RB1: variants seen among roughly 807,000 people sequenced by gnomAD.
RB1 encodes the protein RB transcriptional corepressor 1.
In RB1, 18 loss-of-function variants were observed where a neutral mutation model predicts 135.4. The ratio of observed to expected loss-of-function variants is 0.13; its 90% confidence interval spans 0.09 to 0.20. RB1 has a LOEUF of 0.20. Among genes scored for constraint, RB1 ranks in the 10% least tolerant of loss-of-function variants. The pLI, the probability that RB1 is intolerant of heterozygous loss-of-function variation, is 1.00. For synonymous variants in RB1, 365 were observed against 373.2 expected (o/e 0.98, Z 0.25); for missense variants, 868 against 1,110.0 (o/e 0.78, Z 3.10).
intron 17 of RB1, among the ~76,000 whole-genome samples, chr13:48,381,772 T>G (rs1250530724): frequency 6.6e-6 from 1 of 152,208 alleles, no homozygotes; most frequent in African/African-American, 2.4e-5. Flanking sequence ...TGTATACATG[T>G]GCCATATTGG....
chr13:48,362,622 G>T (rs1383411109), intron 7 of RB1, among the ~76,000 whole-genome samples, 193 bp from the exon 8 acceptor site: 2 of 152,158 alleles, frequency 1.3e-5, no homozygotes, highest in Non-Finnish European at 2.9e-5. Flanking sequence ...GTAGAAGAGG[G>T]ATGGCAAAAA....
intron 11 of RB1, among the ~76,000 whole-genome samples, chr13:48,372,660 AAAG>A (rs1247750435): frequency 6.6e-6 from 1 of 152,076 alleles, no homozygotes; most frequent in Non-Finnish European, 1.5e-5. Flanking sequence ...CAAAAAAAAA[AAAG>A]AAAAAGAAAA....
intron 17 of RB1, among the ~76,000 whole-genome samples, chr13:48,434,886 G>C (rs1486936110): frequency 1.3e-5 from 2 of 152,174 alleles, no homozygotes; most frequent in African/African-American, 4.8e-5. Context: ...GATATTGCAT[G>C]TATCAATAGT....
chr13:48,328,718 C>T (rs1018339414), intron 2 of RB1, among the ~76,000 whole-genome samples: 5 of 152,186 alleles, frequency 3.3e-5, no homozygotes, highest in Non-Finnish European at 5.9e-5. Flanking sequence ...AAGTCTTGTC[C>T]TTTCTGTCAG....
intron 2 of RB1, among the ~76,000 whole-genome samples, chr13:48,336,860 C>G (rs1952390057): frequency 6.6e-6 from 1 of 152,050 alleles, no homozygotes; most frequent in African/African-American, 2.4e-5. Flanking sequence ...TACATGTGTC[C>G]CAGAGATTCT....
chr13:48,323,786 A>T (rs1348296891), intron 2 of RB1, among the ~76,000 whole-genome samples: 1 of 152,220 alleles, frequency 6.6e-6, no homozygotes, highest in East Asian at 1.9e-4. Context: ...TCCAAGACCC[A>T]TTAAGCTTTC....
At chr13:48,421,607 C>T (rs933417745) in intron 17 of RB1, among the ~76,000 whole-genome samples, 9 of 152,202 alleles carry the variant, frequency 5.9e-5, no homozygotes, top group South Asian at 2.1e-4. Context: ...AAAATTTTTG[C>T]GATCTATCCA....
intron 17 of RB1, chr13:48,412,303 T>C (rs1213071191): frequency 1.9e-6 from 3 of 1,613,414 alleles, no homozygotes; most frequent in Non-Finnish European, 2.5e-6. Context: ...CAGATGAAAA[T>C]GTATATGGCA....
At chr13:48,411,596 A>T (rs761515525) in intron 17 of RB1, 2 of 1,612,546 alleles carry the variant, frequency 1.2e-6, no homozygotes, top group African/African-American at 2.7e-5. Flanking sequence ...CAATACAGAG[A>T]GTGATTGGGT....
intron 2 of RB1, chr13:48,340,980 G>GT (rs1193529983): frequency 2.0e-5 from 3 of 151,992 alleles, no homozygotes; most frequent in African/African-American, 7.2e-5. Flanking sequence ...AGTTCAATAC[G>GT]TTTTAACAGA....
chr13:48,460,238 G>C (rs1438750648), intron 20 of RB1, among the ~76,000 whole-genome samples: 2 of 151,720 alleles, frequency 1.3e-5, no homozygotes, highest in Admixed American at 1.3e-4. Flanking sequence ...CCAAAGTGTT[G>C]GGATTACAGG....
At chr13:48,367,646 G>T in intron 10 of RB1, 43 bp downstream of exon 10, 9 of 1,582,902 alleles carry the variant, frequency 5.7e-6, no homozygotes, top group Non-Finnish European at 7.8e-6. Context: ...TTAGATATAG[G>T]TTGATACTGA....
At position 48,319,038 on chromosome 13, in the gene RB1, C is replaced by T. The variant is rs1952211650; in HGVS notation, c.264+11632C>T. On this transcript the variant is annotated intron_variant, in intron 2 of 26. Transcript: ENST00000267163. The surrounding 1 kb of genome is among the most constrained non-coding windows in gnomAD (Gnocchi z 5.0). ...TTGGAAATGCCCAAGATTGCTTCCGCGCGCGTCAGTTCAGCGGACGTGTCT... is the reference window on the plus strand; with the variant it reads ...TTGGAAATGCCCAAGATTGCTTCCGTGCGCGTCAGTTCAGCGGACGTGTCT... 2 of 649,604 alleles carry T rather than the reference C, an allele frequency of 3.1e-6. No individual in the cohort carries two copies. Among genetic ancestry groups the T allele is most frequent in the Non-Finnish European group, 5.7e-6 (2 of 351,530 alleles). The allele number at this position is 649,604 out of a possible 1,614,324, so 40.2% of individuals were successfully genotyped here.
intron 15 of RB1, 38 bp from the exon 16 acceptor site, chr13:48,380,127 G>C (rs1185487623): frequency 1.4e-6 from 2 of 1,466,982 alleles, no homozygotes; most frequent in Non-Finnish European, 1.8e-6. Flanking sequence ...TCTTTTTATA[G>C]AAGTAAGTAT....
intron 17 of RB1, among the ~76,000 whole-genome samples, chr13:48,446,981 A>G (rs1340837847): frequency 6.6e-6 from 1 of 152,214 alleles, no homozygotes; most frequent in African/African-American, 2.4e-5. Context: ...AGAAGTATGG[A>G]AACCAGTTTG....
At chr13:48,318,395 G>C in intron 2 of RB1, 1 of 1,500,888 alleles carries the variant, frequency 6.7e-7, no homozygotes, top group Non-Finnish European at 9.1e-7. Context: ...TTAAGTCCTT[G>C]ATGGCCGTGT....
chr13:48,481,730 C>A lies in RB1; in HGVS notation c.*1659C>A, dbSNP rs554578148. Reference sequence around the variant, plus strand: ...ATTAGTGCCAGAATTTTAGGAACTTCAGAGATCGTGTATTGAGATTTCTTA... The same window carrying A: ...ATTAGTGCCAGAATTTTAGGAACTTAAGAGATCGTGTATTGAGATTTCTTA... On this transcript the variant is annotated 3_prime_UTR_variant, in exon 27 of 27. Transcript: ENST00000267163. 1 of 230,230 alleles carries A rather than the reference C, an allele frequency of 4.3e-6. No individual in the cohort carries two copies. Among genetic ancestry groups the A allele is most frequent in the Non-Finnish European group, 8.6e-6 (1 of 115,992 alleles). 14.3% of individuals were successfully genotyped at this position (230,230 alleles called of 1,614,324 possible).
chr13:48,379,535 T>G (rs1001341116), intron 13 of RB1, 59 bp from the exon 14 acceptor site: 1 of 1,554,518 alleles, frequency 6.4e-7, no homozygotes, highest in South Asian at 1.2e-5. Flanking sequence ...AAAAAAAAAT[T>G]TCATAATTGT....
chr13:48,465,467 A>G, intron 23 of RB1, 99 bp downstream of exon 23: 1 of 1,217,040 alleles, frequency 8.2e-7, no homozygotes, highest in Non-Finnish European at 1.2e-6. Flanking sequence ...CAAATAAGCT[A>G]GACTCTTGAA....
Sources: gnomAD v4.1 joint callset for allele counts (sites outside exome capture counted in the v4.1 genomes callset) on GRCh38, gnomAD v4.1.1 for gene constraint, Gnocchi (gnomAD v3.1) non-coding constraint, MANE v1.5 for transcripts, NCBI Gene and HGNC (gene_info 2026-07-23, HGNC 2026-07-21) for gene names.